PCDHGA3: variants seen among roughly 807,000 people sequenced by gnomAD.
The protein encoded by PCDHGA3 is protocadherin gamma subfamily A, 3.
PCDHGA3 carries 40 observed loss-of-function variants against 58.5 expected under a neutral mutation model. That is an observed-to-expected ratio of 0.68 (90% confidence interval 0.53 to 0.89). The LOEUF (loss-of-function observed/expected upper bound fraction) is 0.89. Ranked by LOEUF, PCDHGA3 falls within the 40% of genes least tolerant of loss-of-function variation. The pLI is 0.00. For missense variants in PCDHGA3, 1,223 were observed against 1,195.9 expected, an observed-to-expected ratio of 1.02 and a Z score of -0.33; for synonymous variants, 530 against 525.7, an observed-to-expected ratio of 1.01 and a Z score of -0.11.
intron 1 of PCDHGA3, among the ~76,000 whole-genome samples, chr5:141,467,628 CA>C (rs1301043003): frequency 6.6e-6 from 1 of 152,106 alleles, no homozygotes; most frequent in Non-Finnish European, 1.5e-5. Context: ...TTTGAGATAG[CA>C]TCTTTATCAT....
chr5:141,347,398 GC>G (rs1210015991), intron 1 of PCDHGA3, among the ~76,000 whole-genome samples: 2 of 151,916 alleles, frequency 1.3e-5, no homozygotes, highest in African/African-American at 2.4e-5. Context: ...CAAGTGATCT[GC>G]CCACGTCAGC....
intron 1 of PCDHGA3, among the ~76,000 whole-genome samples, chr5:141,406,577 A>T (rs558329088): frequency 6.6e-6 from 1 of 152,274 alleles, no homozygotes; most frequent in South Asian, 2.1e-4. Context: ...TAGTAAACCA[A>T]TTTTTTCCCT....
chr5:141,403,580 C>G, intron 1 of PCDHGA3: 1 of 1,613,942 alleles, frequency 6.2e-7, no homozygotes, highest in Non-Finnish European at 8.5e-7. Flanking sequence ...TGCCCACCAC[C>G]TGGTCCTCAC....
chr5:141,364,722 C>G lies in PCDHGA3; in HGVS notation c.2424+18265C>G, dbSNP rs779536020. The G allele has an allele frequency of 8.1e-6, 13 of 1,613,884 alleles. No individual in the cohort carries two copies. The South Asian group carries it at 1.4e-4, about 18-fold the overall frequency. ...ATAATCGATATTAATGATAACTTCC[C>G]GCGTTTCCGGGATGAAGAGTTAAAA... is the stretch of plus-strand genomic sequence containing the variant. On this transcript the variant is annotated intron_variant, in intron 1 of 3. Transcript: ENST00000253812.
At position 141,432,319 on chromosome 5, in the gene PCDHGA3, C is replaced by A; in HGVS notation, c.2425-62488C>A. The A allele has an allele frequency of 6.2e-7, 1 of 1,614,264 alleles. No individual in the cohort carries two copies. Among genetic ancestry groups the A allele is most frequent in the South Asian group, 1.1e-5 (1 of 91,088 alleles). ...GGGTACTGTATGCGCTGAGCTCCTTCGACTACGAGCAGTTCCGAGACTTGC... is the reference window on the plus strand; with the variant it reads ...GGGTACTGTATGCGCTGAGCTCCTTAGACTACGAGCAGTTCCGAGACTTGC... On this transcript the variant is annotated intron_variant, in intron 1 of 3. Transcript: ENST00000253812. The surrounding 1 kb of genome is among the most constrained non-coding windows in gnomAD (Gnocchi z 6.0).
chr5:141,426,614 G>T (rs1468159807), intron 1 of PCDHGA3: 25 of 385,508 alleles, frequency 6.5e-5, no homozygotes, highest in Non-Finnish European at 1.3e-4. Context: ...TTGTAGCAGA[G>T]AATCCTCTAA....
chr5:141,355,345 GC>G (rs762863131), intron 1 of PCDHGA3: 17 of 1,613,902 alleles, frequency 1.1e-5, no homozygotes, highest in African/African-American at 1.3e-5. Flanking sequence ...GGGCAACATC[GC>G]CAAGGACCTG....
chr5:141,402,871 A>G, intron 1 of PCDHGA3: 1 of 1,452,626 alleles, frequency 6.9e-7, no homozygotes, highest in Non-Finnish European at 9.1e-7. Context: ...AAAGATCACC[A>G]TACTTTGCAG....
chr5:141,375,790 A>T, intron 1 of PCDHGA3: 1 of 1,614,216 alleles, frequency 6.2e-7, no homozygotes. Context: ...CCCTCCCCAC[A>T]GACGGTTCCA....
At position 141,357,417 on chromosome 5, in the gene PCDHGA3, C is replaced by A. The variant is rs777789813; in HGVS notation, c.2424+10960C>A. On this transcript the variant is annotated intron_variant, in intron 1 of 3. Coordinates refer to ENST00000253812, the MANE Select transcript of PCDHGA3 (RefSeq NM_018916.4). ...GGTTGGCAGGTGTGCCTGCCTCGCA[C>A]TTTGTGGGCGTGGACGGGGTTCGGG... 5 of 1,614,254 alleles carry A rather than the reference C, an allele frequency of 3.1e-6. No individual in the cohort carries two copies. The South Asian group carries it at 4.4e-5, about 14-fold the overall frequency.
At chr5:141,398,729 A>T in intron 1 of PCDHGA3, 1 of 1,613,820 alleles carries the variant, frequency 6.2e-7, no homozygotes, top group Non-Finnish European at 8.5e-7. Flanking sequence ...AAAACCTTAG[A>T]CCGGGAACAA....
chr5:141,365,784 C>T, intron 1 of PCDHGA3: 2 of 1,613,912 alleles, frequency 1.2e-6, no homozygotes, highest in Non-Finnish European at 1.7e-6. Context: ...GGCGACAACG[C>T]TCGAGTCACC....
intron 1 of PCDHGA3, chr5:141,350,360 A>G: frequency 6.4e-7 from 1 of 1,570,858 alleles, no homozygotes; most frequent in Non-Finnish European, 8.6e-7. Context: ...GATCCGATAC[A>G]CGATTCCAGA....
chr5:141,433,389 A>G (rs1157605590), intron 1 of PCDHGA3, among the ~76,000 whole-genome samples: 2 of 151,108 alleles, frequency 1.3e-5, no homozygotes, highest in African/African-American at 2.4e-5. Context: ...CTATCTATCT[A>G]TCTATCTATC....
chr5:141,400,639 C>A, intron 1 of PCDHGA3: 1 of 1,310,186 alleles, frequency 7.6e-7, no homozygotes, highest in Non-Finnish European at 1.1e-6. Context: ...CAGAGCTGCT[C>A]AGAAAGCTGT....
At chr5:141,481,357 G>A (rs1399668487) in intron 1 of PCDHGA3, among the ~76,000 whole-genome samples, 1 of 152,176 alleles carries the variant, frequency 6.6e-6, no homozygotes, top group Non-Finnish European at 1.5e-5. Context: ...ATCTACAGCT[G>A]TTCAATAGAT....
rs1554087243 is a variant in PCDHGA3, at chr5:141,382,895, C to T, written c.2424+36438C>T. The T allele has an allele frequency of 2.6e-6, 4 of 1,536,202 alleles. No homozygotes were observed. The East Asian group carries it at 6.8e-5, about 26-fold the overall frequency. ...CGGCGCCTAAGCAAGAGAAGCAGGA[C>T]GACTATGGCGGCTCAGCCGAGGGGC... On this transcript the variant is annotated intron_variant, in intron 1 of 3. Transcript: ENST00000253812.
intron 1 of PCDHGA3, chr5:141,350,594 A>C: frequency 6.2e-7 from 1 of 1,614,004 alleles, no homozygotes; most frequent in Non-Finnish European, 8.5e-7. Context: ...AAACCCAATG[A>C]ATGTTTTCCA....
At chr5:141,404,347 C>T (rs1451476815) in intron 1 of PCDHGA3, 6 of 1,613,796 alleles carry the variant, frequency 3.7e-6, no homozygotes, top group African/African-American at 2.7e-5. Context: ...CGGAAAACAA[C>T]GCCAGAGGTA....
Sources: allele counts gnomAD v4.1 joint callset (sites outside exome capture counted in the v4.1 genomes callset), GRCh38; gene constraint gnomAD v4.1.1; non-coding constraint Gnocchi (gnomAD v3.1); transcripts MANE v1.5; gene names NCBI Gene and HGNC (gene_info 2026-07-23, HGNC 2026-07-21).